The following SYTL5 variants were observed in gnomAD, a reference collection of about 807,000 sequenced individuals.
The protein encoded by SYTL5 is synaptotagmin-like protein 5.
In SYTL5, 34 loss-of-function variants were observed where a neutral mutation model predicts 55.9. The observed-to-expected ratio is 0.61, with a 90% CI of 0.46 to 0.81. The LOEUF (loss-of-function observed/expected upper bound fraction) is 0.81, where lower values mean the gene tolerates loss of function less well. Among genes scored for constraint, SYTL5 ranks in the 30% least tolerant of loss-of-function variants. SYTL5 has a pLI of 0.00. For missense variants in SYTL5, 637 were observed against 546.7 expected (o/e 1.17, Z -1.65); for synonymous variants, 221 against 188.7 (o/e 1.17, Z -1.40).
the SYTL5 span, among the ~76,000 whole-genome samples, chrX:37,931,148 G>A: frequency 3.1e-4 from 35 of 111,583 alleles, no homozygotes; most frequent in African/African-American, 1.0e-3. Context: ...TAAATTTTGG[G>A]ATAGGTTTTC....
In SYTL5 at chrX:38,108,711, C is replaced by T. The variant is rs371311250; in HGVS notation, c.1434+12C>T. 1.1e-4 allele frequency: 120 copies of T among 1,093,005 alleles called. No homozygotes were observed. Among genetic ancestry groups the T allele is most frequent in the Middle Eastern group, 2.4e-4 (1 of 4,121 alleles). 90.1% of individuals were successfully genotyped at this position (1,093,005 alleles called of 1,213,427 possible). On this transcript the variant is annotated intron_variant, in intron 12 of 16. Transcript: ENST00000297875. ...ATGAAACACTAAAGGTAAATAAATACGGTCTCATAGTAACTCATGTGGTAC... is the reference window on the plus strand; with the variant it reads ...ATGAAACACTAAAGGTAAATAAATATGGTCTCATAGTAACTCATGTGGTAC...
Position 38,106,850 on chromosome X carries a change from T to C in SYTL5, c.1334+79T>C, listed in dbSNP as rs965199799. The C allele has an allele frequency of 1.2e-5, 10 of 823,331 alleles. No individual in the cohort carries two copies. In the African/African-American group the frequency reaches 1.5e-4, roughly 12 times the overall value. The allele number at this position is 823,331 out of a possible 1,213,427, so 67.9% of individuals were successfully genotyped here. A position where few individuals can be genotyped will look rare whatever the true frequency, so the allele number is the denominator to read the frequency against. On this transcript the variant is annotated intron_variant, in intron 11 of 16. Transcript: ENST00000297875. ...TATGTGTGTTTCCTTTTCAAAAGAG[T>C]CTTAGCATTCTTCTTGATTCAGTCT...
intron 3 of SYTL5, among the ~76,000 whole-genome samples, chrX:38,058,964 T>C (rs999213242): frequency 4.5e-5 from 5 of 111,377 alleles, no homozygotes; most frequent in African/African-American, 1.3e-4. Context: ...TAGATATCTT[T>C]ATGCTCCCTT....
chrX:37,986,376 T>C, the SYTL5 span, among the ~76,000 whole-genome samples: 2 of 110,941 alleles, frequency 1.8e-5, no homozygotes, highest in Non-Finnish European at 3.8e-5. Flanking sequence ...GCACGGGGTA[T>C]GTGACTTGGG....
At chrX:38,029,356 G>A (rs1000486739) in intron 1 of SYTL5, among the ~76,000 whole-genome samples, 8 of 112,115 alleles carry the variant, frequency 7.1e-5, no homozygotes, top group East Asian at 5.6e-4. Context: ...TACCAAAAAC[G>A]CATTTCAGTT....
chrX:38,113,341 C>T (rs894436093), intron 13 of SYTL5, among the ~76,000 whole-genome samples: 5 of 112,089 alleles, frequency 4.5e-5, no homozygotes, highest in Non-Finnish European at 9.4e-5. Context: ...TCCAAGGAAA[C>T]GTTCTCTTAT....
At chrX:37,894,044 A>C in the SYTL5 span, among the ~76,000 whole-genome samples, 1 of 110,103 alleles carries the variant, frequency 9.1e-6, no homozygotes, top group African/African-American at 3.3e-5. Flanking sequence ...ATATTACACT[A>C]TATGTCCTCT....
the SYTL5 span, among the ~76,000 whole-genome samples, chrX:37,905,796 G>A: frequency 8.8e-6 from 1 of 113,074 alleles, no homozygotes; most frequent in Non-Finnish European, 1.9e-5. Flanking sequence ...ATCCACGAAG[G>A]AGGCTTTCAC....
the SYTL5 span, among the ~76,000 whole-genome samples, chrX:37,928,739 A>T: frequency 8.9e-6 from 1 of 112,275 alleles, no homozygotes; most frequent in Admixed American, 9.4e-5. Context: ...AATCAAATTT[A>T]GTCCTTATTA....
At chrX:37,965,997 A>G in the SYTL5 span, among the ~76,000 whole-genome samples, 1 of 112,498 alleles carries the variant, frequency 8.9e-6, no homozygotes, top group African/African-American at 3.2e-5. Context: ...ACTTAAACCT[A>G]AAATGAGTCT....
intron 3 of SYTL5, among the ~76,000 whole-genome samples, chrX:38,055,707 G>T (rs1448099129): frequency 8.9e-6 from 1 of 111,917 alleles, no homozygotes; most frequent in African/African-American, 3.2e-5. Context: ...TGTTGAAGAC[G>T]CCTATATTCA....
chrX:37,899,750 C>A, the SYTL5 span, among the ~76,000 whole-genome samples: 1 of 111,418 alleles, frequency 9.0e-6, no homozygotes, highest in East Asian at 2.8e-4. Context: ...ACTTGTGAGA[C>A]CTTTTTTTAA....
chrX:38,043,843 G>T (rs1237923008), intron 2 of SYTL5, among the ~76,000 whole-genome samples: 2 of 106,510 alleles, frequency 1.9e-5, no homozygotes, highest in South Asian at 8.3e-4. Flanking sequence ...ATTTTTATTG[G>T]CTGGATAAGA....
intron 3 of SYTL5, among the ~76,000 whole-genome samples, chrX:38,063,897 T>C (rs777680232): frequency 9.0e-6 from 1 of 111,670 alleles, no homozygotes; most frequent in Non-Finnish European, 1.9e-5. Flanking sequence ...GTGTGTACAC[T>C]CAATGGTGGG....
chrX:38,088,157 A>G (rs941814374), intron 6 of SYTL5, among the ~76,000 whole-genome samples: 1 of 111,711 alleles, frequency 9.0e-6, no homozygotes, highest in African/African-American at 3.2e-5. Context: ...CACAGCTTTG[A>G]AAAAACTTAG....
At chrX:37,969,834 A>G in the SYTL5 span, among the ~76,000 whole-genome samples, 2 of 111,509 alleles carry the variant, frequency 1.8e-5, no homozygotes, top group Non-Finnish European at 3.8e-5. Context: ...GGATTTCACC[A>G]TGTTGGCTAG....
the SYTL5 span, among the ~76,000 whole-genome samples, chrX:37,966,166 T>C: frequency 7.2e-5 from 8 of 111,721 alleles, no homozygotes; most frequent in South Asian, 3.0e-3. Context: ...GTCTTTTAGT[T>C]CTTTTCTCCC....
the SYTL5 span, among the ~76,000 whole-genome samples, chrX:37,957,544 A>G: frequency 2.7e-5 from 3 of 111,960 alleles, no homozygotes; most frequent in African/African-American, 9.8e-5. Context: ...ACTCTTTCCC[A>G]GTTGAGTGTT....
At position 38,102,335 on chromosome X, in the gene SYTL5, T is replaced by G; in HGVS notation, c.1063-7T>G. On this transcript the variant is annotated splice_polypyrimidine_tract_variant and splice_region_variant and intron_variant, in intron 9 of 16. Coordinates refer to ENST00000297875, the MANE Select transcript of SYTL5 (RefSeq NM_138780.3). ...CCAACCCACTGATTTTTCCCTTTCTTTTTTAGGACTCCTTGGAAGAGACTG... is the reference window on the plus strand; with the variant it reads ...CCAACCCACTGATTTTTCCCTTTCTGTTTTAGGACTCCTTGGAAGAGACTG... 1 of 1,186,703 alleles carries G rather than the reference T, an allele frequency of 8.4e-7. No individual in the cohort carries two copies. Among genetic ancestry groups the G allele is most frequent in the South Asian group, 1.8e-5 (1 of 54,855 alleles).
Sources: gnomAD v4.1 joint callset for allele counts (sites outside exome capture counted in the v4.1 genomes callset) on GRCh38, gnomAD v4.1.1 for gene constraint, MANE v1.5 for transcripts, NCBI Gene and HGNC (gene_info 2026-07-23, HGNC 2026-07-21) for gene names.